EPHB1: variants seen among roughly 807,000 people sequenced by gnomAD.
The protein encoded by EPHB1 is ephrin type-B receptor 1.
EPHB1 carries 30 observed loss-of-function variants against 94.4 expected under a neutral mutation model. That is an observed-to-expected ratio of 0.32 (90% CI 0.24 to 0.43). The LOEUF (loss-of-function observed/expected upper bound fraction) is 0.43, where lower values mean the gene tolerates loss of function less well. EPHB1 is among the 20% of genes least tolerant of loss of function. The pLI, the probability that EPHB1 is intolerant of heterozygous loss-of-function variation, is 1.00. For missense variants in EPHB1, 1,055 were observed against 1,308.3 expected (o/e 0.81, Z 2.99); for synonymous variants, 522 against 489.1 (o/e 1.07, Z -0.89).
chr3:135,006,260 A>T (rs568300521), intron 3 of EPHB1, among the ~76,000 whole-genome samples: 68 of 152,344 alleles, frequency 4.5e-4, no homozygotes, highest in African/African-American at 1.6e-3. Flanking sequence ...GTATGATTCC[A>T]CTTATATGGG....
intron 11 of EPHB1, among the ~76,000 whole-genome samples, chr3:135,196,819 C>G (rs147893972): frequency 1.5e-3 from 228 of 152,236 alleles, no homozygotes; most frequent in African/African-American, 5.4e-3. Flanking sequence ...ATGCTTCAAC[C>G]ACACATTCAG....
At chr3:134,929,419 T>C (rs536434224) in intron 2 of EPHB1, among the ~76,000 whole-genome samples, 19 of 152,270 alleles carry the variant, frequency 1.2e-4, no homozygotes, top group Non-Finnish European at 2.9e-5. Context: ...AAGAGCTGAA[T>C]TGTGGCTGAC....
At chr3:134,859,940 T>C (rs1318844059) in intron 1 of EPHB1, among the ~76,000 whole-genome samples, 1 of 152,228 alleles carries the variant, frequency 6.6e-6, no homozygotes, top group East Asian at 1.9e-4. Flanking sequence ...CATTTTTTGA[T>C]GTCTTTGTAA....
chr3:135,038,606 G>A (rs950265397), intron 3 of EPHB1, among the ~76,000 whole-genome samples: 5 of 152,012 alleles, frequency 3.3e-5, no homozygotes, highest in South Asian at 2.1e-4. Flanking sequence ...GCGGACCCTC[G>A]CGGTGAGTGT....
intron 1 of EPHB1, among the ~76,000 whole-genome samples, chr3:134,856,251 C>G (rs764245219): frequency 2.0e-4 from 30 of 152,040 alleles, no homozygotes; most frequent in Non-Finnish European, 4.1e-4. Context: ...GCAGACAGGA[C>G]CAGGCCTGGA....
chr3:134,871,204 G>A (rs996255126), intron 1 of EPHB1, among the ~76,000 whole-genome samples: 1 of 152,228 alleles, frequency 6.6e-6, no homozygotes, highest in Non-Finnish European at 1.5e-5. Flanking sequence ...GAGCAGTCCA[G>A]TAATGATTAC....
intron 9 of EPHB1, among the ~76,000 whole-genome samples, chr3:135,167,380 G>T (rs1941679918): frequency 1.3e-5 from 2 of 152,188 alleles, no homozygotes; most frequent in South Asian, 4.1e-4. Flanking sequence ...CAATTGAGCA[G>T]CTGGGGAATT....
intron 12 of EPHB1, among the ~76,000 whole-genome samples, chr3:135,210,962 T>A (rs1259256003): frequency 6.6e-6 from 1 of 152,230 alleles, no homozygotes; most frequent in Admixed American, 6.5e-5. Flanking sequence ...AGAGACGCGG[T>A]GGTATTGCAT....
In EPHB1 at chr3:135,018,802, T is replaced by C. The variant is rs536797798; in HGVS notation, c.805+66750T>C. ...CTGAGTGAATGCCGGCCTCATTTCC[T>C]CCACAGACCAATTTACTAACATGTT... On this transcript the variant is annotated intron_variant, in intron 3 of 15. Coordinates refer to ENST00000398015, the MANE Select transcript of EPHB1 (RefSeq NM_004441.5). Among the ~76,000 whole-genome samples, 20 of 152,270 alleles carry C rather than the reference T, an allele frequency of 1.3e-4. No individual in the cohort carries two copies. The South Asian group carries it at 3.7e-3, about 28-fold the overall frequency.
intron 1 of EPHB1, among the ~76,000 whole-genome samples, chr3:134,866,599 C>T (rs571209630): frequency 1.3e-5 from 2 of 152,340 alleles, no homozygotes; most frequent in East Asian, 1.9e-4. Context: ...GGTCTGTCCA[C>T]TCCAAAGCCC....
intron 3 of EPHB1, among the ~76,000 whole-genome samples, chr3:134,960,768 G>A (rs1021217771): frequency 9.9e-5 from 15 of 152,172 alleles, no homozygotes; most frequent in Non-Finnish European, 1.6e-4. Flanking sequence ...CATAAATTTG[G>A]GCCAGCAAGG....
chr3:134,897,239 A>C (rs2038104420), intron 1 of EPHB1, among the ~76,000 whole-genome samples: 3 of 152,306 alleles, frequency 2.0e-5, no homozygotes, highest in South Asian at 4.1e-4. Flanking sequence ...TTGAATGGCC[A>C]CAGCATCTGT....
At chr3:135,067,452 T>G (rs1011377152) in intron 3 of EPHB1, 1 of 152,176 alleles carries the variant, frequency 6.6e-6, no homozygotes, top group Non-Finnish European at 1.5e-5. Context: ...TGCTGAGTCA[T>G]GCAGGTTGTC....
intron 3 of EPHB1, among the ~76,000 whole-genome samples, chr3:134,953,589 G>C (rs1017143927): frequency 1.3e-5 from 2 of 152,202 alleles, no homozygotes; most frequent in Admixed American, 6.5e-5. Context: ...AAAGGCACAG[G>C]TGCAGCAGCT....
intron 15 of EPHB1, among the ~76,000 whole-genome samples, chr3:135,255,669 G>T (rs1933350158): frequency 6.6e-6 from 1 of 151,084 alleles, no homozygotes; most frequent in Non-Finnish European, 1.5e-5. Flanking sequence ...GGTGTGGTGT[G>T]GTGCTGAAAA....
At chr3:135,188,703 G>A (rs1006476136) in intron 10 of EPHB1, among the ~76,000 whole-genome samples, 7 of 152,140 alleles carry the variant, frequency 4.6e-5, no homozygotes, top group South Asian at 2.1e-4. Flanking sequence ...TGTTGTTTGC[G>A]TGTAGACATG....
At chr3:134,901,248 A>G (rs1459864139) in intron 1 of EPHB1, among the ~76,000 whole-genome samples, 1 of 152,174 alleles carries the variant, frequency 6.6e-6, no homozygotes, top group Non-Finnish European at 1.5e-5. Flanking sequence ...GTGTCTCATA[A>G]AAGTTTTACA....
intron 4 of EPHB1, among the ~76,000 whole-genome samples, chr3:135,112,305 A>G (rs1939478693): frequency 6.6e-6 from 1 of 152,208 alleles, no homozygotes. Flanking sequence ...TAGGGCAATA[A>G]GCATTCCACA....
intron 13 of EPHB1, among the ~76,000 whole-genome samples, chr3:135,247,556 G>GA (rs1221557204): frequency 2.6e-5 from 4 of 152,114 alleles, no homozygotes; most frequent in East Asian, 3.9e-4. Context: ...TGTACTGGAT[G>GA]AAAAAACACA....
Sources: allele counts gnomAD v4.1 joint callset (sites outside exome capture counted in the v4.1 genomes callset), GRCh38; gene constraint gnomAD v4.1.1; transcripts MANE v1.5; gene names NCBI Gene and HGNC (gene_info 2026-07-23, HGNC 2026-07-21).